AKT1S1: variants seen among roughly 807,000 people sequenced by gnomAD.
The protein encoded by AKT1S1 is AKT1 substrate 1, also known as proline-rich AKT1 substrate 1.
AKT1S1 carries 17 observed loss-of-function variants against 21.2 expected under a neutral mutation model. The ratio of observed to expected loss-of-function variants is 0.80; its 90% CI spans 0.55 to 1.20. The LOEUF is 1.20. Among genes scored for constraint, AKT1S1 ranks in the 50% most tolerant of loss-of-function variants. The pLI is 0.00. For synonymous variants in AKT1S1, 181 were observed against 165.6 expected (o/e 1.09, Z -0.72); for missense variants, 366 against 368.3 (o/e 0.99, Z 0.05).
At position 49,872,895 on chromosome 19, in the gene AKT1S1, G is replaced by A. The variant is rs1317901236; in HGVS notation, c.379+22C>T. The A allele has an allele frequency of 7.8e-6, 7 of 894,636 alleles. No individual in the cohort carries two copies. The East Asian group carries it at 8.7e-5, about 11-fold the overall frequency. 55.4% of individuals were successfully genotyped at this position (894,636 alleles called of 1,614,324 possible). A position where few individuals can be genotyped will look rare whatever the true frequency, so the allele number is the denominator to read the frequency against. On this transcript the variant is annotated intron_variant, in intron 2 of 4. Coordinates refer to ENST00000344175, the MANE Select transcript of AKT1S1 (RefSeq NM_001098633.4). ...GCACCTCAAGCGCTGGGCCGCACCC[G>A]CCCCTGCCCCCACCCTCTCACCTCC...
At chr19:49,876,478 A>G (rs772967219) in intron 1 of AKT1S1, 3 of 1,209,538 alleles carry the variant, frequency 2.5e-6, no homozygotes, top group South Asian at 2.7e-5. Context: ...TCGCTGGCAG[A>G]CCTCTGCCCT....
upstream of AKT1S1, chr19:49,878,076 C>A: frequency 1.5e-6 from 2 of 1,330,070 alleles, no homozygotes; most frequent in Non-Finnish European, 2.1e-6. Context: ...CTGGGCCCGT[C>A]CCTATTGGCT....
intron 1 of AKT1S1, chr19:49,875,749 C>T: frequency 1.5e-6 from 1 of 649,114 alleles, no homozygotes; most frequent in Non-Finnish European, 1.9e-6. Flanking sequence ...GTGAGGGCTC[C>T]CCCAACTCAG....
intron 1 of AKT1S1, among the ~76,000 whole-genome samples, chr19:49,875,551 G>C (rs551963505): frequency 6.6e-6 from 1 of 152,232 alleles, no homozygotes; most frequent in African/African-American, 2.4e-5. Context: ...GCAAGAAATG[G>C]CTGGTCCAAA....
intron 1 of AKT1S1, chr19:49,876,553 G>C: frequency 1.4e-6 from 2 of 1,478,046 alleles, no homozygotes; most frequent in Non-Finnish European, 9.0e-7. Flanking sequence ...GCTGCCTCAG[G>C]ACGGCCAAAT....
At chr19:49,874,160 C>T (rs1438266716) in intron 1 of AKT1S1, 1 of 152,376 alleles carries the variant, frequency 6.6e-6, no homozygotes, top group African/African-American at 2.4e-5. Flanking sequence ...CATTCCCCAC[C>T]AACCTTTCAC....
chr19:49,873,255 AC>A lies in AKT1S1; in HGVS notation c.40del (p.Val14TrpfsTer18). The A allele has an allele frequency of 1.3e-6, 2 of 1,534,482 alleles. No individual in the cohort carries two copies. Among genetic ancestry groups the A allele is most frequent in the Non-Finnish European group, 1.7e-6 (2 of 1,150,968 alleles). Reference protein sequence around the residue: ...GRPEELWEAVVGAAERFRART... With the variant: ...GRPEELWEAVXGAAERFRART... The stretch of plus-strand genomic sequence containing the variant: ...GGCCCGGAAGCGCTCAGCGGCCCCC[AC>A]CACGGCCTCCCACAGCTCCTCGGGG... On this transcript the variant is annotated frameshift_variant, in exon 2 of 5. Coordinates refer to ENST00000344175, the MANE Select transcript of AKT1S1 (RefSeq NM_001098633.4). LOFTEE classifies it high-confidence loss of function. This position sits in a 1 kb window ranked among gnomAD's most constrained non-coding sequence, Gnocchi z 6.9.
rs2074909245 is a variant in AKT1S1, at chr19:49,873,489, C to G, written c.-7-187G>C. Reference sequence around the variant, plus strand: ...TCTCACCATCCAGTCCTCGCAGGCCCAGACCCTGGCGACGTCCTCTGCCCC... The same window carrying G: ...TCTCACCATCCAGTCCTCGCAGGCCGAGACCCTGGCGACGTCCTCTGCCCC... On this transcript the variant is annotated intron_variant, in intron 1 of 4. Transcript: ENST00000344175. The surrounding 1 kb of genome is among the most constrained non-coding windows in gnomAD (Gnocchi z 6.9). 3 of 1,138,738 alleles carry G rather than the reference C, an allele frequency of 2.6e-6. No homozygotes were observed. The highest frequency in any genetic ancestry group is 3.5e-6 in the Non-Finnish European group (3 of 867,228). 70.5% of individuals were successfully genotyped at this position (1,138,738 alleles called of 1,614,324 possible).
rs376054064 is a variant in AKT1S1, at chr19:49,873,034, T to G, written c.262A>C (p.Ser88Arg). Residue 88 changes from serine (S) to arginine (R), a missense_variant, in exon 2 of 5, where the codon AGT becomes CGT. Ser to Arg is a moderately radical substitution (Grantham distance 110). Transcript: ENST00000344175. The surrounding 1 kb of genome is among the most constrained non-coding windows in gnomAD (Gnocchi z 6.9). Reference sequence around the variant, plus strand: ...GGCCGGGGTGGGCTGGGTGTGGGACTGGGTGGCTGTGGTGCTGGTGGGGGC... The same window carrying G: ...GGCCGGGGTGGGCTGGGTGTGGGACGGGGTGGCTGTGGTGCTGGTGGGGGC... Reference protein sequence around the residue: ...PAPPPAPQPPSPTPSPPRPTL... With the variant: ...PAPPPAPQPPRPTPSPPRPTL... 1 of 1,561,250 alleles carries G rather than the reference T, an allele frequency of 6.4e-7. No homozygotes were observed. The highest frequency in any genetic ancestry group is 1.9e-5 in the Admixed American group (1 of 52,326).
At chr19:49,878,192 A>G (rs1241936662), upstream of AKT1S1, 2 of 1,572,990 alleles carry the variant, frequency 1.3e-6, no homozygotes, top group African/African-American at 1.4e-5. Context: ...GCTAAGAAGT[A>G]TCAGGACCGA....
At chr19:49,871,372 G>T (rs2074881275) in intron 4 of AKT1S1, among the ~76,000 whole-genome samples, 175 bp downstream of exon 4, 1 of 152,210 alleles carries the variant, frequency 6.6e-6, no homozygotes. Flanking sequence ...CACATGGTAA[G>T]GCTGCAATTG....
At chr19:49,872,791 G>A in intron 2 of AKT1S1, 126 bp downstream of exon 2, 1 of 1,170,296 alleles carries the variant, frequency 8.5e-7, no homozygotes, top group South Asian at 1.5e-5. Context: ...AGCCTGTCTG[G>A]CTCTGGGGTC....
In AKT1S1 at chr19:49,873,307, G is replaced by A. The variant is rs993503975; in HGVS notation, c.-7-5C>T. The stretch of plus-strand genomic sequence containing the variant: ...CGCCCCGACGCCATCCGCGCCCTGC[G>A]GGCCAGAGCAGGACAGAGGGGGCTG... On this transcript the variant is annotated splice_region_variant and splice_polypyrimidine_tract_variant and intron_variant, in intron 1 of 4. Transcript: ENST00000344175. This position sits in a 1 kb window ranked among gnomAD's most constrained non-coding sequence, Gnocchi z 6.9. 1.2e-5 allele frequency: 17 copies of A among 1,478,010 alleles called. No homozygotes were observed. Among genetic ancestry groups the A allele is most frequent in the Non-Finnish European group, 1.2e-5 (14 of 1,126,408 alleles). The allele number at this position is 1,478,010 out of a possible 1,614,324, so 91.6% of individuals were successfully genotyped here. A position where few individuals can be genotyped will look rare whatever the true frequency, so the allele number is the denominator to read the frequency against.
In AKT1S1 at chr19:49,872,817, T is replaced by C. The variant is rs192993890; in HGVS notation, c.379+100A>G. ...CTCTGGGGTCCTGAGACTGCACTTC[T>C]GTAGAAGTACTCTGGGCTAAGCAGG... On this transcript the variant is annotated intron_variant, in intron 2 of 4. Transcript: ENST00000344175. The C allele has an allele frequency of 9.3e-4, 1,291 of 1,386,536 alleles. 9 individuals carry two copies. In the African/African-American group the frequency reaches 0.017, roughly 18 times the overall value. 85.9% of individuals were successfully genotyped at this position (1,386,536 alleles called of 1,614,324 possible). A position where few individuals can be genotyped will look rare whatever the true frequency, so the allele number is the denominator to read the frequency against.
upstream of AKT1S1, chr19:49,877,956 TGCCCCCTGTGGAAC>T (rs1323015918): frequency 3.0e-6 from 2 of 670,082 alleles, no homozygotes; most frequent in African/African-American, 3.9e-5. Flanking sequence ...CCTTGAGCCC[TGCCCCCTGTGGAAC>T]GCACGTCAGC....
At chr19:49,870,998 C>T (rs1445514470) in intron 4 of AKT1S1, among the ~76,000 whole-genome samples, 2 of 152,230 alleles carry the variant, frequency 1.3e-5, no homozygotes, top group Non-Finnish European at 1.5e-5. Context: ...TCCTGAAACA[C>T]ACCTGGGTTC....
Position 49,869,870 on chromosome 19 carries a change from A to G in AKT1S1, c.*47T>C, listed in dbSNP as rs774016915. On this transcript the variant is annotated 3_prime_UTR_variant, in exon 5 of 5. Transcript: ENST00000344175. ...GGCCCCGGGAGTGGGGCGGGGGCGT[A>G]GTGTGGGACGGGGCGGACGCGGCCC... is the stretch of plus-strand genomic sequence containing the variant. 1 of 1,413,468 alleles carries G rather than the reference A, an allele frequency of 7.1e-7. No individual in the cohort carries two copies. Among genetic ancestry groups the G allele is most frequent in the Non-Finnish European group, 9.4e-7 (1 of 1,066,992 alleles). The allele number at this position is 1,413,468 out of a possible 1,614,324, so 87.6% of individuals were successfully genotyped here.
Position 49,873,278 on chromosome 19 carries a change from G to T in AKT1S1, c.18C>A (p.Pro6=). The change falls in exon 2 of 5, where the codon CCC becomes CCA. Residue 6 remains proline (P), a synonymous_variant. Coordinates refer to ENST00000344175, the MANE Select transcript of AKT1S1 (RefSeq NM_001098633.4). The surrounding 1 kb of genome is among the most constrained non-coding windows in gnomAD (Gnocchi z 6.9). The stretch of plus-strand genomic sequence containing the variant: ...CCACCACGGCCTCCCACAGCTCCTC[G>T]GGGCGCCCCGACGCCATCCGCGCCC... MASGR[P]EELWEAVVGA... 2 of 1,516,868 alleles carry T rather than the reference G, an allele frequency of 1.3e-6. No individual in the cohort carries two copies. Among genetic ancestry groups the T allele is most frequent in the South Asian group, 2.4e-5 (2 of 82,170 alleles). 94.0% of individuals were successfully genotyped at this position (1,516,868 alleles called of 1,614,324 possible). A position where few individuals can be genotyped will look rare whatever the true frequency, so the allele number is the denominator to read the frequency against.
intron 1 of AKT1S1, chr19:49,876,153 G>A (rs557922770): frequency 2.0e-6 from 2 of 998,746 alleles, no homozygotes; most frequent in South Asian, 4.6e-5. Flanking sequence ...GGTAGCCATG[G>A]GGTGAGCGCC....
Sources: gnomAD v4.1 joint callset for allele counts (sites outside exome capture counted in the v4.1 genomes callset) on GRCh38, gnomAD v4.1.1 for gene constraint, Gnocchi (gnomAD v3.1) non-coding constraint, MANE v1.5 for transcripts, NCBI Gene and HGNC (gene_info 2026-07-23, HGNC 2026-07-21) for gene names.